EIF4G3: variants seen among roughly 807,000 people sequenced by gnomAD.
The protein encoded by EIF4G3 is eukaryotic translation initiation factor 4 gamma 3.
A neutral mutation model predicts 186.4 loss-of-function variants in EIF4G3; 34 were observed. That is an observed-to-expected ratio of 0.18 (90% confidence interval 0.14 to 0.24). EIF4G3 has a LOEUF of 0.24. EIF4G3 is among the 10% of genes least tolerant of loss of function. The probability of loss-of-function intolerance (pLI) is 1.00; values close to 1 mark genes in which losing one functional copy is unlikely to be tolerated. For synonymous variants in EIF4G3, 673 were observed against 679.5 expected, an observed-to-expected ratio of 0.99 and a Z score of 0.15; for missense variants, 1,536 against 1,948.5, an observed-to-expected ratio of 0.79 and a Z score of 3.99.
chr1:20,948,396 G>T (rs1348409404), intron 13 of EIF4G3, among the ~76,000 whole-genome samples: 1 of 152,176 alleles, frequency 6.6e-6, no homozygotes, highest in African/African-American at 2.4e-5. Flanking sequence ...AGAAGTTCTT[G>T]ACAGTGCAGT....
Position 21,161,884 on chromosome 1 carries a change from C to G in EIF4G3, c.-272+14291G>C, listed in dbSNP as rs182540824. On this transcript the variant is annotated intron_variant, in intron 2 of 36. Coordinates refer to ENST00000602326, the MANE Select transcript of EIF4G3 (RefSeq NM_001391906.1). ...TCAGGAGGCTGAGGCAGGAGAATCA[C>G]TTGAACCCGGGAGGTGGAGGTTGCA... 2.0e-5 allele frequency: 3 copies of G among 151,754 alleles called. No homozygotes were observed. In the East Asian group the frequency reaches 5.9e-4, roughly 30 times the overall value. The allele number at this position is 151,754 out of a possible 1,614,324, so 9.4% of individuals were successfully genotyped here. A position where few individuals can be genotyped will look rare whatever the true frequency, so the allele number is the denominator to read the frequency against.
At chr1:21,100,101 A>G (rs984173679) in intron 2 of EIF4G3, among the ~76,000 whole-genome samples, 4 of 152,218 alleles carry the variant, frequency 2.6e-5, no homozygotes, top group East Asian at 1.9e-4. Flanking sequence ...AAAGAAGCCA[A>G]TCACCAAAGA....
intron 2 of EIF4G3, among the ~76,000 whole-genome samples, chr1:21,135,297 C>T (rs554305046): frequency 6.6e-6 from 1 of 152,210 alleles, no homozygotes; most frequent in South Asian, 2.1e-4. Context: ...GTCAGAAATT[C>T]GAGACCAGCC....
chr1:21,009,107 C>T (rs1316018016), intron 4 of EIF4G3, among the ~76,000 whole-genome samples: 1 of 152,174 alleles, frequency 6.6e-6, no homozygotes. Flanking sequence ...TTAATTTATA[C>T]AAGTTCTTAA....
intron 24 of EIF4G3, among the ~76,000 whole-genome samples, chr1:20,859,794 T>C (rs1384001941): frequency 6.6e-6 from 1 of 152,214 alleles, no homozygotes; most frequent in African/African-American, 2.4e-5. Context: ...GGTTTCATCA[T>C]GTTGGTCAGG....
intron 29 of EIF4G3, chr1:20,847,786 A>G: frequency 2.1e-6 from 1 of 471,732 alleles, no homozygotes; most frequent in South Asian, 1.5e-5. Flanking sequence ...CATTTCCAAC[A>G]GTTTCTGCAA....
intron 14 of EIF4G3, among the ~76,000 whole-genome samples, chr1:20,916,321 C>G (rs2093861701): frequency 6.6e-6 from 1 of 151,972 alleles, no homozygotes; most frequent in Non-Finnish European, 1.5e-5. Context: ...GTGGTGGACA[C>G]CTGTAGTCCC....
At chr1:20,986,744 C>CAAAAAAAAAAAAAAAAAAAAA in intron 7 of EIF4G3, among the ~76,000 whole-genome samples, 1 of 66,316 alleles carries the variant, frequency 1.5e-5, no homozygotes. Flanking sequence ...GCTCTGTCTC[C>CAAAAAAAAAAAAAAAAAAAAA]AAAAAAAAAA....
At chr1:21,149,396 G>A (rs1442463827) in intron 2 of EIF4G3, among the ~76,000 whole-genome samples, 2 of 151,960 alleles carry the variant, frequency 1.3e-5, no homozygotes, top group Non-Finnish European at 2.9e-5. Flanking sequence ...CTAGAGAAGG[G>A]GGGCTTTTCT....
intron 12 of EIF4G3, among the ~76,000 whole-genome samples, chr1:20,953,789 A>G (rs1184331837): frequency 6.6e-6 from 1 of 152,194 alleles, no homozygotes; most frequent in Non-Finnish European, 1.5e-5. Flanking sequence ...AGTTTCTACA[A>G]TTTCAAATGT....
chr1:21,136,706 G>C (rs1284736696), intron 2 of EIF4G3, among the ~76,000 whole-genome samples: 1 of 152,144 alleles, frequency 6.6e-6, no homozygotes, highest in Non-Finnish European at 1.5e-5. Flanking sequence ...ATACTGATAG[G>C]TATTGCCTGT....
chr1:20,902,415 AC>A (rs1453964275), intron 15 of EIF4G3, among the ~76,000 whole-genome samples: 1 of 152,130 alleles, frequency 6.6e-6, no homozygotes, highest in African/African-American at 2.4e-5. Flanking sequence ...CTAATATGTA[AC>A]CCAAATAAGC....
chr1:20,877,393 C>T (rs2081180133), intron 20 of EIF4G3, among the ~76,000 whole-genome samples: 1 of 152,196 alleles, frequency 6.6e-6, no homozygotes, highest in Non-Finnish European at 1.5e-5. Context: ...TTACTAGTTA[C>T]ATCACCCTGA....
At chr1:20,850,365 T>C (rs1194753214) in intron 28 of EIF4G3, among the ~76,000 whole-genome samples, 1 of 152,252 alleles carries the variant, frequency 6.6e-6, no homozygotes, top group Non-Finnish European at 1.5e-5. Flanking sequence ...AAAAGCCATA[T>C]GTCCCTAAAG....
chr1:21,166,123 C>CTTTTTTTTTTTTTTTTTTTTTTTT (rs1573668577), intron 2 of EIF4G3, among the ~76,000 whole-genome samples: 4 of 105,532 alleles, frequency 3.8e-5, no homozygotes, highest in African/African-American at 1.2e-4. Context: ...CTTTTTTTTC[C>CTTTTTTTTTTTTTTTTTTTTTTTT]TTTTAAAAAT....
chr1:20,996,345 T>A (rs1222322013), intron 7 of EIF4G3, among the ~76,000 whole-genome samples: 1 of 152,144 alleles, frequency 6.6e-6, no homozygotes, highest in Non-Finnish European at 1.5e-5. Flanking sequence ...GCTCTTAAAG[T>A]ATTAATACTT....
intron 29 of EIF4G3, among the ~76,000 whole-genome samples, chr1:20,841,519 G>T (rs1438616892): frequency 6.6e-6 from 1 of 152,158 alleles, no homozygotes; most frequent in Non-Finnish European, 1.5e-5. Flanking sequence ...GTCAACAGAG[G>T]TTACTGTGTC....
rs368328382 is a variant in EIF4G3 at position 21,007,515 on chromosome 1, T to TAAAAAAA, written c.-66-4714_-66-4708dup. Among the ~76,000 whole-genome samples the TAAAAAAA allele has an allele frequency of 3.4e-3, 50 of 14,832 alleles. 1 individual carries two copies. Among genetic ancestry groups the TAAAAAAA allele is most frequent in the African/African-American group, 6.3e-3 (48 of 7,642 alleles). The allele number at this position is 14,832 out of a possible 152,430, so 9.7% of individuals were successfully genotyped here. ...AATATATTCACAATGGGCCCCTCCT[T>TAAAAAAA]AAAAAAAAAAAAAAAAAAAAAACAC... On this transcript the variant is annotated intron_variant, in intron 4 of 36. Coordinates refer to ENST00000602326, the MANE Select transcript of EIF4G3 (RefSeq NM_001391906.1).
chr1:20,813,665 G>A lies in EIF4G3; in HGVS notation c.4516-426C>T, dbSNP rs200290323. On this transcript the variant is annotated intron_variant, in intron 34 of 36. Coordinates refer to ENST00000602326, the MANE Select transcript of EIF4G3 (RefSeq NM_001391906.1). ...ATGGATCACCTGAGGTCAGGAGTTC[G>A]AGACCAATCTGGCCAACATGGTGAA... Among the ~76,000 whole-genome samples the A allele has an allele frequency of 5.9e-5, 9 of 151,892 alleles. No individual in the cohort carries two copies. In the East Asian group the frequency reaches 9.8e-4, roughly 17 times the overall value.
Sources: gnomAD v4.1 joint callset for allele counts (sites outside exome capture counted in the v4.1 genomes callset) on GRCh38, gnomAD v4.1.1 for gene constraint, MANE v1.5 for transcripts, NCBI Gene and HGNC (gene_info 2026-07-23, HGNC 2026-07-21) for gene names.